Variants in FER observed in about 807,000 individuals in gnomAD.
The protein encoded by FER is FER tyrosine kinase, also known as tyrosine-protein kinase Fer.
A neutral mutation model predicts 111.0 loss-of-function variants in FER; 63 were observed. The ratio of observed to expected loss-of-function variants is 0.57; its 90% CI spans 0.46 to 0.70. FER has a LOEUF of 0.70. Among genes scored for constraint, FER ranks in the 30% least tolerant of loss-of-function variants. The probability of loss-of-function intolerance (pLI) is 0.00; values close to 1 mark genes in which losing one functional copy is unlikely to be tolerated. For synonymous variants in FER, 327 were observed against 313.9 expected (o/e 1.04, Z -0.44); for missense variants, 914 against 954.0 (o/e 0.96, Z 0.55).
intron 13 of FER, among the ~76,000 whole-genome samples, chr5:109,017,792 T>C (rs1048918766): frequency 6.6e-6 from 1 of 151,910 alleles, no homozygotes; most frequent in Non-Finnish European, 1.5e-5. Flanking sequence ...ATGTGAATAC[T>C]TAAATGACCA....
At chr5:108,831,418 G>A (rs935457924) in intron 3 of FER, among the ~76,000 whole-genome samples, 1 of 151,774 alleles carries the variant, frequency 6.6e-6, no homozygotes, top group Non-Finnish European at 1.5e-5. Context: ...GTTTTATACT[G>A]TTTGCATCTT....
intron 17 of FER, among the ~76,000 whole-genome samples, chr5:109,141,961 C>A (rs1157625681): frequency 1.3e-5 from 2 of 152,150 alleles, no homozygotes; most frequent in Non-Finnish European, 2.9e-5. Flanking sequence ...GTGGGAGAGG[C>A]CTTGGACTTC....
In FER at chr5:108,946,003, G is replaced by T. The variant is rs980497234; in HGVS notation, c.1237-127G>T. On this transcript the variant is annotated intron_variant, in intron 10 of 19. Coordinates refer to ENST00000281092, the MANE Select transcript of FER (RefSeq NM_005246.4). The stretch of plus-strand genomic sequence containing the variant: ...TGGTTATTTGTTATCTTGAATGTCA[G>T]GAAGTTTATATTTTATTTAGTTGGA... 14 of 597,784 alleles carry T rather than the reference G, an allele frequency of 2.3e-5. No individual in the cohort carries two copies. The Admixed American group carries it at 4.1e-4, about 18-fold the overall frequency. The allele number at this position is 597,784 out of a possible 1,614,324, so 37.0% of individuals were successfully genotyped here.
chr5:109,187,575 G>GTGAC lies in FER; in HGVS notation c.*1_*4dup. ...CTATCATCAAGAGAAAACTCACATAGTGACAGGATGGCGCCAAACTCAGCC... is the reference window on the plus strand; with the variant it reads ...CTATCATCAAGAGAAAACTCACATAGTGACTGACAGGATGGCGCCAAACTCAGCC... On this transcript the variant is annotated 3_prime_UTR_variant, in exon 20 of 20. Coordinates refer to ENST00000281092, the MANE Select transcript of FER (RefSeq NM_005246.4). 6.2e-7 allele frequency: 1 copy of GTGAC among 1,614,048 alleles called. No homozygotes were observed. Among genetic ancestry groups the GTGAC allele is most frequent in the African/African-American group, 1.3e-5 (1 of 75,026 alleles).
At chr5:108,782,059 G>A (rs1441009084) in intron 2 of FER, among the ~76,000 whole-genome samples, 1 of 152,104 alleles carries the variant, frequency 6.6e-6, no homozygotes, top group Non-Finnish European at 1.5e-5. Flanking sequence ...TTGGCACTGA[G>A]CCTTCAGCAG....
rs1182075760 is a variant in FER, at chr5:109,092,300, A to C, written c.1925-8096A>C. ...TTATGATGGCAAAAAAAAAAAAAAA[A>C]AAAAAAAAAAACATCAGAGGGAAAA... On this transcript the variant is annotated intron_variant, in intron 16 of 19. Coordinates refer to ENST00000281092, the MANE Select transcript of FER (RefSeq NM_005246.4). Among the ~76,000 whole-genome samples the C allele has an allele frequency of 3.4e-5, 5 of 146,362 alleles. 1 individual carries two copies. The South Asian group carries it at 6.3e-4, about 18-fold the overall frequency.
At chr5:108,932,609 A>C (rs967692384) in intron 10 of FER, among the ~76,000 whole-genome samples, 2 of 152,170 alleles carry the variant, frequency 1.3e-5, no homozygotes, top group Admixed American at 1.3e-4. Context: ...TGTCTTCCAC[A>C]ATAGGTGAAC....
chr5:108,849,757 C>G lies in FER; in HGVS notation c.481+13950C>G, dbSNP rs192963265. ...GATGCCATACATTGTGCATTTTAAACTCATTAGACTGGGTCTCATTAACAT... is the reference window on the plus strand; with the variant it reads ...GATGCCATACATTGTGCATTTTAAAGTCATTAGACTGGGTCTCATTAACAT... On this transcript the variant is annotated intron_variant, in intron 5 of 19. Transcript: ENST00000281092. 2.4e-4 allele frequency among the ~76,000 whole-genome samples: 37 copies of G among 152,252 alleles called. 1 individual carries two copies. The highest frequency in any genetic ancestry group is 2.2e-3 in the Admixed American group (33 of 15,292).
chr5:109,117,465 G>T (rs992607820), intron 17 of FER, among the ~76,000 whole-genome samples: 1 of 151,996 alleles, frequency 6.6e-6, no homozygotes, highest in African/African-American at 2.4e-5. Context: ...GTAAAATAAG[G>T]CTTCTGGAAA....
intron 16 of FER, chr5:109,051,493 G>A (rs555149691): frequency 6.5e-4 from 1,054 of 1,611,620 alleles, no homozygotes; most frequent in Non-Finnish European, 8.1e-4. Flanking sequence ...GGTGCTTCCC[G>A]CCTGCCCCAT....
At chr5:108,880,324 G>A (rs1765557579) in intron 8 of FER, among the ~76,000 whole-genome samples, 1 of 152,134 alleles carries the variant, frequency 6.6e-6, no homozygotes, top group African/African-American at 2.4e-5. Flanking sequence ...CAGCTTTGAT[G>A]TAGCATGGTC....
chr5:109,134,333 C>T (rs1273217725), intron 17 of FER, among the ~76,000 whole-genome samples: 1 of 151,890 alleles, frequency 6.6e-6, no homozygotes, highest in Non-Finnish European at 1.5e-5. Flanking sequence ...CATAAAGTTT[C>T]AAATTTTAAA....
chr5:108,806,691 A>T (rs1282948166), intron 3 of FER, among the ~76,000 whole-genome samples: 3 of 152,154 alleles, frequency 2.0e-5, no homozygotes, highest in Non-Finnish European at 4.4e-5. Flanking sequence ...TCAGACTTGC[A>T]TGGGGTCTGT....
intron 10 of FER, among the ~76,000 whole-genome samples, chr5:108,937,595 G>C (rs1309236991): frequency 1.3e-5 from 2 of 151,956 alleles, no homozygotes; most frequent in East Asian, 3.9e-4. Context: ...ACCTGGTAGA[G>C]GAGGGTGAGC....
rs1240856360 is a variant in FER at position 109,191,096 on chromosome 5, G to C, written c.*3521G>C. ...AGTGTTAGATTATGTCAAGAAGAAA[G>C]TGTTTTAGTTACAACATACGCCACC... On this transcript the variant is annotated 3_prime_UTR_variant, in exon 20 of 20. Transcript: ENST00000281092. 4 of 152,134 alleles carry C rather than the reference G, an allele frequency of 2.6e-5. No individual in the cohort carries two copies. Among genetic ancestry groups the C allele is most frequent in the Non-Finnish European group, 2.9e-5 (2 of 68,002 alleles). The allele number at this position is 152,134 out of a possible 1,614,324, so 9.4% of individuals were successfully genotyped here. A position where few individuals can be genotyped will look rare whatever the true frequency, so the allele number is the denominator to read the frequency against.
chr5:109,196,655 G>T lies in FER; in HGVS notation c.*9080G>T, dbSNP rs2126922840. ...TTTACATTCAAAAGAAATACACTTT[G>T]AACTTTGGCTAACATTGTAGGATAT... On this transcript the variant is annotated 3_prime_UTR_variant, in exon 20 of 20. Transcript: ENST00000281092. The T allele has an allele frequency of 6.6e-6, 1 of 152,164 alleles. No individual in the cohort carries two copies. Among genetic ancestry groups the T allele is most frequent in the East Asian group, 1.9e-4 (1 of 5,178 alleles). The allele number at this position is 152,164 out of a possible 1,614,324, so 9.4% of individuals were successfully genotyped here. A position where few individuals can be genotyped will look rare whatever the true frequency, so the allele number is the denominator to read the frequency against.
At chr5:109,060,403 C>T (rs753318202) in intron 16 of FER, among the ~76,000 whole-genome samples, 41 of 152,092 alleles carry the variant, frequency 2.7e-4, no homozygotes, top group Non-Finnish European at 4.3e-4. Flanking sequence ...TACTTTTAAC[C>T]TCTCTGTGCC....
intron 13 of FER, among the ~76,000 whole-genome samples, chr5:108,994,432 A>T (rs985475927): frequency 2.6e-5 from 4 of 152,104 alleles, no homozygotes; most frequent in Admixed American, 2.6e-4. Flanking sequence ...ATGTGCAGTC[A>T]TAGTTCTGAG....
chr5:108,753,047 A>G (rs74681110), intron 1 of FER, among the ~76,000 whole-genome samples: 205 of 152,230 alleles, frequency 1.3e-3, no homozygotes, highest in African/African-American at 4.4e-3. Context: ...TAATTTTCTC[A>G]TCTATTCAAT....
Sources: gnomAD v4.1 joint callset for allele counts (sites outside exome capture counted in the v4.1 genomes callset) on GRCh38, gnomAD v4.1.1 for gene constraint, MANE v1.5 for transcripts, NCBI Gene and HGNC (gene_info 2026-07-23, HGNC 2026-07-21) for gene names.